The following FAM193B variants were observed in gnomAD, a reference collection of about 807,000 sequenced individuals.
FAM193B encodes protein FAM193B.
In FAM193B, 27 loss-of-function variants were observed where a neutral mutation model predicts 70.7. The observed-to-expected ratio is 0.38, with a 90% CI of 0.28 to 0.53. FAM193B has a LOEUF of 0.53. Among genes scored for constraint, FAM193B ranks in the 20% least tolerant of loss-of-function variants. FAM193B has a pLI of 0.81. For synonymous variants in FAM193B, 448 were observed against 436.0 expected (o/e 1.03, Z -0.34); for missense variants, 1,022 against 1,072.5 (o/e 0.95, Z 0.66).
At chr5:177,536,207 C>G (rs1034972868) in intron 4 of FAM193B, 151 bp downstream of exon 4, 2 of 896,442 alleles carry the variant, frequency 2.2e-6, no homozygotes, top group African/African-American at 3.4e-5. Context: ...GCCACTGTGC[C>G]AGGCCAAAAC....
chr5:177,526,571 A>G (rs761101447), intron 5 of FAM193B, among the ~76,000 whole-genome samples: 1 of 152,178 alleles, frequency 6.6e-6, no homozygotes. Flanking sequence ...TGTGGAGGGA[A>G]TGATATGGAA....
At position 177,544,951 on chromosome 5, in the gene FAM193B, G is replaced by A. The variant is rs55648432; in HGVS notation, c.211-5804C>T. 5.9e-3 allele frequency among the ~76,000 whole-genome samples: 891 copies of A among 152,180 alleles called. 15 individuals carry two copies. Among genetic ancestry groups the A allele is most frequent in the African/African-American group, 0.02 (846 of 41,524 alleles). ...TATACTTCAACCAAAACAATGTATT[G>A]CAAAAGACTGAATACAGAAGCATAT... On this transcript the variant is annotated intron_variant, in intron 1 of 8. Transcript: ENST00000514747.
At chr5:177,547,966 G>GCACGCA (rs1554121050) in intron 1 of FAM193B, among the ~76,000 whole-genome samples, 2 of 152,040 alleles carry the variant, frequency 1.3e-5, no homozygotes, top group African/African-American at 4.8e-5. Flanking sequence ...AGAACCGAAG[G>GCACGCA]CACACACACA....
chr5:177,536,185 GTA>G, intron 4 of FAM193B, 171 bp downstream of exon 4: 1 of 719,566 alleles, frequency 1.4e-6, no homozygotes, highest in South Asian at 1.7e-5. Context: ...AGCGCTAGGA[GTA>G]TAGGTGTGAG....
chr5:177,553,988 A>C, intron 1 of FAM193B: 1 of 1,262,824 alleles, frequency 7.9e-7, no homozygotes, highest in South Asian at 1.6e-5. Context: ...GTGTGGGTGT[A>C]CGGCCGGAAC....
intron 4 of FAM193B, among the ~76,000 whole-genome samples, chr5:177,533,269 A>G (rs934731929): frequency 9.9e-5 from 15 of 151,574 alleles, no homozygotes; most frequent in African/African-American, 2.9e-4. Flanking sequence ...GACACCAACT[A>G]TAAGAGCCAC....
chr5:177,528,944 G>C (rs1763042728), intron 5 of FAM193B, among the ~76,000 whole-genome samples: 1 of 152,204 alleles, frequency 6.6e-6, no homozygotes, highest in Non-Finnish European at 1.5e-5. Context: ...GAGTGGGTCT[G>C]AAGGAAAGAC....
intron 1 of FAM193B, among the ~76,000 whole-genome samples, chr5:177,540,255 C>G (rs1764687508): frequency 6.8e-6 from 1 of 146,100 alleles, no homozygotes. Flanking sequence ...TGCAGTGAGC[C>G]AAGATCGCGC....
intron 1 of FAM193B, 149 bp from the exon 2 acceptor site, chr5:177,539,296 C>G: frequency 2.1e-6 from 2 of 936,146 alleles, no homozygotes; most frequent in Non-Finnish European, 3.1e-6. Context: ...CTTGTAACAG[C>G]TCTGCAAACG....
chr5:177,541,585 A>G (rs1581915700), intron 1 of FAM193B, among the ~76,000 whole-genome samples: 1 of 151,930 alleles, frequency 6.6e-6, no homozygotes, highest in East Asian at 1.9e-4. Flanking sequence ...CGCCCGGCTA[A>G]TTTTTTTGTA....
chr5:177,531,504 C>T (rs1396483683), intron 5 of FAM193B: 2 of 761,376 alleles, frequency 2.6e-6, no homozygotes, highest in Non-Finnish European at 4.1e-6. Context: ...AGTTCCGACT[C>T]GTCGGGGCAG....
At chr5:177,549,179 T>C (rs1021431777) in intron 1 of FAM193B, among the ~76,000 whole-genome samples, 2 of 141,036 alleles carry the variant, frequency 1.4e-5, no homozygotes, top group Non-Finnish European at 3.0e-5. Flanking sequence ...AAGACTGGAT[T>C]GTCTTTTCTT....
chr5:177,522,518 A>T (rs1234774737), intron 7 of FAM193B, among the ~76,000 whole-genome samples: 1 of 151,562 alleles, frequency 6.6e-6, no homozygotes, highest in Non-Finnish European at 1.5e-5. Flanking sequence ...TTTTTTTTTT[A>T]AATAAGAGAT....
At chr5:177,533,527 G>A (rs1393037614) in intron 4 of FAM193B, among the ~76,000 whole-genome samples, 1 of 152,096 alleles carries the variant, frequency 6.6e-6, no homozygotes, top group African/African-American at 2.4e-5. Flanking sequence ...GGATGGTCTC[G>A]ATCTCCTGAC....
intron 3 of FAM193B, among the ~76,000 whole-genome samples, chr5:177,537,660 G>C (rs1325322955): frequency 6.6e-6 from 1 of 152,198 alleles, no homozygotes; most frequent in Non-Finnish European, 1.5e-5. Flanking sequence ...AGAGGCAAAC[G>C]TTTTTCTATT....
At chr5:177,554,216 C>T (rs1766736682) in intron 1 of FAM193B, 33 bp downstream of exon 1, 1 of 1,489,648 alleles carries the variant, frequency 6.7e-7, no homozygotes, top group Non-Finnish European at 8.9e-7. Context: ...GTGAAAGCGC[C>T]CGAGCCGCCG....
At chr5:177,553,838 G>T in intron 1 of FAM193B, 1 of 1,282,068 alleles carries the variant, frequency 7.8e-7, no homozygotes, top group African/African-American at 1.5e-5. Context: ...CCCGGGGGCA[G>T]AGGGAAGAGG....
At chr5:177,521,919 G>T in intron 8 of FAM193B, 55 bp downstream of exon 8, 2 of 1,382,730 alleles carry the variant, frequency 1.4e-6, no homozygotes, top group South Asian at 1.2e-5. Context: ...AGCGTACAGA[G>T]AGGGTGGCCA....
At chr5:177,550,944 C>T (rs1426992271) in intron 1 of FAM193B, among the ~76,000 whole-genome samples, 1 of 152,194 alleles carries the variant, frequency 6.6e-6, no homozygotes, top group African/African-American at 2.4e-5. Flanking sequence ...ATCCTCCCGC[C>T]TCAGCATCCC....
Sources: allele counts gnomAD v4.1 joint callset (sites outside exome capture counted in the v4.1 genomes callset), GRCh38; gene constraint gnomAD v4.1.1; transcripts MANE v1.5; gene names NCBI Gene and HGNC (gene_info 2026-07-23, HGNC 2026-07-21).